Variants in NRXN3 observed in about 807,000 individuals in gnomAD.
NRXN3 encodes neurexin III.
A neutral mutation model predicts 137.6 loss-of-function variants in NRXN3; 32 were observed. The observed-to-expected ratio is 0.23, with a 90% CI of 0.18 to 0.31. The LOEUF is 0.31. NRXN3 is among the 10% of genes least tolerant of loss of function. NRXN3 has a pLI of 1.00. For missense variants in NRXN3, 1,574 were observed against 2,062.5 expected (o/e 0.76, Z 4.59); for synonymous variants, 798 against 784.5 (o/e 1.02, Z -0.29).
At chr14:79,118,040 G>C (rs1172326965) in intron 15 of NRXN3, among the ~76,000 whole-genome samples, 1 of 152,148 alleles carries the variant, frequency 6.6e-6, no homozygotes, top group Non-Finnish European at 1.5e-5. Context: ...AAAGATACAG[G>C]GTGCAGATTT....
At chr14:79,109,391 T>C (rs975997045) in intron 15 of NRXN3, among the ~76,000 whole-genome samples, 1 of 152,180 alleles carries the variant, frequency 6.6e-6, no homozygotes, top group African/African-American at 2.4e-5. Context: ...AGACAAATAT[T>C]TCAGAATAAT....
intron 17 of NRXN3, among the ~76,000 whole-genome samples, chr14:79,664,273 T>G (rs1181735346): frequency 1.3e-5 from 2 of 152,086 alleles, no homozygotes; most frequent in Non-Finnish European, 1.5e-5. Flanking sequence ...ATCTCTATCA[T>G]GAGCTAGTGT....
chr14:78,674,029 C>T (rs1343394270), intron 6 of NRXN3, among the ~76,000 whole-genome samples: 2 of 152,286 alleles, frequency 1.3e-5, no homozygotes, highest in African/African-American at 4.8e-5. Context: ...ATGGCTGCCA[C>T]CCAGTGGCCA....
intron 15 of NRXN3, among the ~76,000 whole-genome samples, chr14:79,094,609 G>A (rs973276007): frequency 2.0e-5 from 3 of 152,060 alleles, no homozygotes; most frequent in Non-Finnish European, 4.4e-5. Flanking sequence ...ATCTTCTGAC[G>A]GCAGTCTGTT....
At chr14:78,889,974 T>C (rs2099154475) in intron 10 of NRXN3, among the ~76,000 whole-genome samples, 1 of 151,978 alleles carries the variant, frequency 6.6e-6, no homozygotes, top group African/African-American at 2.4e-5. Flanking sequence ...CAGAAGGCCA[T>C]GTGAAGACAG....
At chr14:79,467,869 T>C (rs1289849965) in intron 16 of NRXN3, among the ~76,000 whole-genome samples, 5 of 152,214 alleles carry the variant, frequency 3.3e-5, no homozygotes, top group Non-Finnish European at 7.3e-5. Context: ...GTTCTGCCTT[T>C]GTAATGTGAA....
At chr14:78,438,991 C>T (rs1598677015) in intron 4 of NRXN3, among the ~76,000 whole-genome samples, 1 of 151,686 alleles carries the variant, frequency 6.6e-6, no homozygotes, top group African/African-American at 2.4e-5. Context: ...GAATGAGAGT[C>T]GCAAGTGGAG....
chr14:78,809,602 G>C (rs2098898238), intron 9 of NRXN3, among the ~76,000 whole-genome samples: 1 of 152,160 alleles, frequency 6.6e-6, no homozygotes, highest in African/African-American at 2.4e-5. Flanking sequence ...TTAGCTGTTT[G>C]CAAGTGGCCA....
intron 15 of NRXN3, among the ~76,000 whole-genome samples, chr14:79,191,758 T>C (rs8004250): frequency 0.28 from 43,267 of 152,048 alleles, 6,738 homozygotes; most frequent in Non-Finnish European, 0.36. Context: ...ATACAGCAGG[T>C]GATTAAAATA....
chr14:79,065,762 C>G (rs1254188920), intron 15 of NRXN3, among the ~76,000 whole-genome samples: 1 of 152,112 alleles, frequency 6.6e-6, no homozygotes, highest in Non-Finnish European at 1.5e-5. Flanking sequence ...GTGACATTCT[C>G]TCTGTGTGCA....
At chr14:78,497,221 A>G (rs2095799641) in intron 4 of NRXN3, among the ~76,000 whole-genome samples, 1 of 152,158 alleles carries the variant, frequency 6.6e-6, no homozygotes, top group Non-Finnish European at 1.5e-5. Flanking sequence ...TAGAAACGGT[A>G]ATACATTTTA....
At chr14:79,281,514 A>G (rs562462211) in intron 15 of NRXN3, among the ~76,000 whole-genome samples, 195 of 152,192 alleles carry the variant, frequency 1.3e-3, no homozygotes, top group African/African-American at 4.5e-3. Context: ...TATGCACTCC[A>G]CTCTGATGGT....
At chr14:79,523,473 G>GA (rs75614430) in intron 16 of NRXN3, among the ~76,000 whole-genome samples, 2,766 of 151,888 alleles carry the variant, frequency 0.018, 128 homozygotes, top group East Asian at 0.16. Flanking sequence ...TGTAGTGATG[G>GA]AAAAAAAATC....
intron 15 of NRXN3, among the ~76,000 whole-genome samples, chr14:79,011,171 C>T (rs973006772): frequency 7.9e-5 from 12 of 152,046 alleles, no homozygotes; most frequent in Admixed American, 3.9e-4. Context: ...TTTCTTTGTA[C>T]GTCTGAAATT....
intron 15 of NRXN3, among the ~76,000 whole-genome samples, chr14:79,158,733 T>C: frequency 6.6e-6 from 1 of 151,854 alleles, no homozygotes; most frequent in East Asian, 1.9e-4. Flanking sequence ...GTTCAAGACA[T>C]TTTTGTAAGC....
intron 15 of NRXN3, among the ~76,000 whole-genome samples, chr14:79,322,026 T>C (rs2090117452): frequency 6.6e-6 from 1 of 151,912 alleles, no homozygotes; most frequent in African/African-American, 2.4e-5. Context: ...TTGAGCCTAG[T>C]AGTTCAAGAT....
chr14:78,337,464 A>G (rs1339134517), intron 4 of NRXN3, among the ~76,000 whole-genome samples: 1 of 152,178 alleles, frequency 6.6e-6, no homozygotes, highest in Non-Finnish European at 1.5e-5. Context: ...CGGCAGGGAC[A>G]GAAAGGAAGG....
At chr14:78,717,780 G>A (rs1035457070) in intron 8 of NRXN3, among the ~76,000 whole-genome samples, 4 of 152,146 alleles carry the variant, frequency 2.6e-5, no homozygotes, top group Non-Finnish European at 4.4e-5. Context: ...AACTTGACAC[G>A]GCCTTTACTT....
chr14:78,302,471 A>G (rs1220411420), intron 4 of NRXN3, among the ~76,000 whole-genome samples: 1 of 152,166 alleles, frequency 6.6e-6, no homozygotes, highest in Admixed American at 6.5e-5. Flanking sequence ...CTAAGTGAGA[A>G]TCAAACCCAG....
Sources: allele counts gnomAD v4.1 joint callset (sites outside exome capture counted in the v4.1 genomes callset), GRCh38; gene constraint gnomAD v4.1.1; transcripts MANE v1.5; gene names NCBI Gene and HGNC (gene_info 2026-07-23, HGNC 2026-07-21).